GTF2A1: variants seen among roughly 807,000 people sequenced by gnomAD.
GTF2A1 encodes the protein general transcription factor IIA subunit 1.
GTF2A1 carries 12 observed loss-of-function variants against 54.1 expected under a neutral mutation model. The ratio of observed to expected loss-of-function variants is 0.22; its 90% CI spans 0.14 to 0.36. The LOEUF is 0.36. Ranked by LOEUF, GTF2A1 falls within the 10% of genes least tolerant of loss-of-function variation. The pLI is 1.00. For synonymous variants in GTF2A1, 145 were observed against 152.0 expected, an observed-to-expected ratio of 0.95 and a Z score of 0.34; for missense variants, 335 against 442.2, an observed-to-expected ratio of 0.76 and a Z score of 2.17.
intron 2 of GTF2A1, among the ~76,000 whole-genome samples, chr14:81,215,463 A>G (rs1047507316): frequency 6.6e-6 from 1 of 152,210 alleles, no homozygotes; most frequent in Admixed American, 6.5e-5. Context: ...TCCATGAACT[A>G]TACCTTGAGA....
chr14:81,197,498 A>G lies in GTF2A1; in HGVS notation c.403-14T>C. On this transcript the variant is annotated splice_polypyrimidine_tract_variant and intron_variant, in intron 4 of 8. Transcript: ENST00000553612. ...AGCAGCAGCACTCTGAAAAAAACAA[A>G]GAAAAAATATCAAAACCACATACAT... 2.0e-6 allele frequency: 3 copies of G among 1,477,322 alleles called. No homozygotes were observed. The highest frequency in any genetic ancestry group is 2.8e-6 in the Non-Finnish European group (3 of 1,070,704). The allele number at this position is 1,477,322 out of a possible 1,614,324, so 91.5% of individuals were successfully genotyped here.
At chr14:81,218,256 G>A (rs1036672819) in intron 1 of GTF2A1, among the ~76,000 whole-genome samples, 1 of 152,048 alleles carries the variant, frequency 6.6e-6, no homozygotes, top group Non-Finnish European at 1.5e-5. Context: ...CTTTTGCTTG[G>A]AGATCCAGAC....
Position 81,178,957 on chromosome 14 carries a change from A to C in GTF2A1, c.*1266T>G, listed in dbSNP as rs923303940. On this transcript the variant is annotated 3_prime_UTR_variant, in exon 9 of 9. Coordinates refer to ENST00000553612, the MANE Select transcript of GTF2A1 (RefSeq NM_015859.4). ...CAGAATACAGACCTATGCATTCTTA[A>C]TATACATATTACATTTCTATTATTT... 3 of 152,340 alleles carry C rather than the reference A, an allele frequency of 2.0e-5. No homozygotes were observed. The South Asian group carries it at 6.2e-4, about 32-fold the overall frequency. The allele number at this position is 152,340 out of a possible 1,614,324, so 9.4% of individuals were successfully genotyped here.
rs1187695269 is a variant in GTF2A1 at position 81,207,547 on chromosome 14, T to C, written c.133-3443A>G. Reference sequence around the variant, plus strand: ...AACTGGTACCAGTAGAGTCAGGGCATTGCTGAAAAAATACCTGAAAATATG... The same window carrying C: ...AACTGGTACCAGTAGAGTCAGGGCACTGCTGAAAAAATACCTGAAAATATG... On this transcript the variant is annotated intron_variant, in intron 2 of 8. Coordinates refer to ENST00000553612, the MANE Select transcript of GTF2A1 (RefSeq NM_015859.4). Among the ~76,000 whole-genome samples, 8 of 152,114 alleles carry C rather than the reference T, an allele frequency of 5.3e-5. No homozygotes were observed. In the South Asian group the frequency reaches 1.2e-3, roughly 24 times the overall value.
chr14:81,183,458 T>C (rs1892679525), intron 8 of GTF2A1, among the ~76,000 whole-genome samples: 1 of 152,164 alleles, frequency 6.6e-6, no homozygotes, highest in Admixed American at 6.5e-5. Flanking sequence ...AAAAAATAAA[T>C]GTACCAAAGT....
chr14:81,202,405 G>C (rs1036195785), intron 3 of GTF2A1, among the ~76,000 whole-genome samples: 1 of 152,154 alleles, frequency 6.6e-6, no homozygotes, highest in Non-Finnish European at 1.5e-5. Context: ...ACAGCTGACA[G>C]ACTCATGCCA....
intron 6 of GTF2A1, among the ~76,000 whole-genome samples, chr14:81,194,508 A>C (rs1211555624): frequency 6.6e-6 from 1 of 152,232 alleles, no homozygotes; most frequent in African/African-American, 2.4e-5. Context: ...AGATGTAAAT[A>C]AACTGGATTA....
intron 7 of GTF2A1, among the ~76,000 whole-genome samples, chr14:81,187,461 T>G (rs1289674263): frequency 6.6e-6 from 1 of 152,066 alleles, no homozygotes; most frequent in Non-Finnish European, 1.5e-5. Flanking sequence ...ACAGTGTATA[T>G]AACACTCACC....
chr14:81,192,882 A>G (rs1892907915), intron 6 of GTF2A1, 43 bp from the exon 7 acceptor site: 1 of 1,082,998 alleles, frequency 9.2e-7, no homozygotes. Flanking sequence ...AGTTAAGAGG[A>G]TCAAGTATGG....
chr14:81,214,418 G>A (rs2140041933), intron 2 of GTF2A1, among the ~76,000 whole-genome samples: 1 of 152,126 alleles, frequency 6.6e-6, no homozygotes, highest in South Asian at 2.1e-4. Flanking sequence ...GGCCGAGGTG[G>A]GGGGATCACA....
At chr14:81,186,041 C>T (rs990458212) in intron 7 of GTF2A1, among the ~76,000 whole-genome samples, 4 of 152,082 alleles carry the variant, frequency 2.6e-5, no homozygotes, top group African/African-American at 4.8e-5. Flanking sequence ...TTAGTACAGA[C>T]GGTGTTTCAC....
chr14:81,189,257 T>C (rs1283538898), intron 7 of GTF2A1, among the ~76,000 whole-genome samples: 1 of 152,178 alleles, frequency 6.6e-6, no homozygotes, highest in Non-Finnish European at 1.5e-5. Context: ...CAATGAATGT[T>C]AAACTTACAT....
At chr14:81,213,694 CG>C (rs1378029453) in intron 2 of GTF2A1, among the ~76,000 whole-genome samples, 1 of 152,146 alleles carries the variant, frequency 6.6e-6, no homozygotes. Context: ...ACTCATGTCT[CG>C]GAATTAGCAC....
Position 81,209,725 on chromosome 14 carries a change from G to T in GTF2A1, c.133-5621C>A, listed in dbSNP as rs553296270. The T allele has an allele frequency of 1.2e-5, 4 of 343,816 alleles. No homozygotes were observed. In the Admixed American group the frequency reaches 1.3e-4, roughly 11 times the overall value. The allele number at this position is 343,816 out of a possible 1,614,324, so 21.3% of individuals were successfully genotyped here. On this transcript the variant is annotated intron_variant, in intron 2 of 8. Transcript: ENST00000553612. ...TTGGAGGTCCCTGAATATAGCATAC[G>T]TAACCTTAATAGACTATTCCTTACG...
At chr14:81,196,456 T>C (rs2140157396) in intron 5 of GTF2A1, among the ~76,000 whole-genome samples, 1 of 152,344 alleles carries the variant, frequency 6.6e-6, no homozygotes, top group Non-Finnish European at 1.5e-5. Context: ...ATGTTTTATT[T>C]TTCATATTTA....
At chr14:81,181,735 G>T (rs1892643210) in intron 8 of GTF2A1, among the ~76,000 whole-genome samples, 2 of 152,032 alleles carry the variant, frequency 1.3e-5, no homozygotes, top group Admixed American at 1.3e-4. Flanking sequence ...GTAGAGATGG[G>T]TTTCACCAGG....
At position 81,204,041 on chromosome 14, in the gene GTF2A1, G is replaced by A; in HGVS notation, c.196C>T (p.Leu66Phe). 1 of 1,612,870 alleles carries A rather than the reference G, an allele frequency of 6.2e-7. No homozygotes were observed. Among genetic ancestry groups the A allele is most frequent in the Non-Finnish European group, 8.5e-7 (1 of 1,178,872 alleles). ...TGCTGCTGTTGAACTTGCAGTAGAA[G>A]CTGCTGCTCTTCTGAATGAAATCCA... ...VDGFHSEEQQ[L>F]LLQVQQQHQP... Residue 66 changes from leucine to phenylalanine, a missense_variant, in exon 3 of 9, where the codon CTT becomes TTT. Transcript: ENST00000553612.
At chr14:81,187,016 T>C (rs1184403970) in intron 7 of GTF2A1, among the ~76,000 whole-genome samples, 1 of 152,008 alleles carries the variant, frequency 6.6e-6, no homozygotes, top group Non-Finnish European at 1.5e-5. Flanking sequence ...TGTGTATGTA[T>C]AGATATTCTT....
At chr14:81,190,078 T>C (rs1216307829) in intron 7 of GTF2A1, among the ~76,000 whole-genome samples, 1 of 151,972 alleles carries the variant, frequency 6.6e-6, no homozygotes, top group Non-Finnish European at 1.5e-5. Context: ...AAAAAGACAA[T>C]ATCATGATTA....
Sources: gnomAD v4.1 joint callset for allele counts (sites outside exome capture counted in the v4.1 genomes callset) on GRCh38, gnomAD v4.1.1 for gene constraint, MANE v1.5 for transcripts, NCBI Gene and HGNC (gene_info 2026-07-23, HGNC 2026-07-21) for gene names.